Variants in OR6N1 observed in about 807,000 individuals in gnomAD.
OR6N1 encodes olfactory receptor family 6 subfamily N member 1.
For missense variants in OR6N1, 394 were observed against 371.7 expected, an observed-to-expected ratio of 1.06 and a Z score of -0.49; for synonymous variants, 170 against 150.7, an observed-to-expected ratio of 1.13 and a Z score of -0.94.
At chr1:158,836,295 T>C in the OR6N1 span, among the ~76,000 whole-genome samples, 3 of 152,030 alleles carry the variant, frequency 2.0e-5, no homozygotes, top group Non-Finnish European at 4.4e-5. Context: ...CTTTGAGGAA[T>C]TTTGGTCTTA....
chr1:158,825,064 T>C, the OR6N1 span, among the ~76,000 whole-genome samples: 140 of 152,268 alleles, frequency 9.2e-4, 1 homozygote, highest in African/African-American at 3.0e-3. Context: ...TTCAAAACTA[T>C]GCATCTAACA....
At chr1:158,799,925 G>T in the OR6N1 span, among the ~76,000 whole-genome samples, 1 of 151,972 alleles carries the variant, frequency 6.6e-6, no homozygotes, top group African/African-American at 2.4e-5. Context: ...CTGCTTTCCC[G>T]CCTACATGTG....
chr1:158,815,098 G>A, the OR6N1 span, among the ~76,000 whole-genome samples: 6 of 152,154 alleles, frequency 3.9e-5, no homozygotes, highest in African/African-American at 1.4e-4. Context: ...TGATTGTGGA[G>A]TGAAAGAGAG....
At chr1:158,802,889 A>T in the OR6N1 span, among the ~76,000 whole-genome samples, 3 of 152,060 alleles carry the variant, frequency 2.0e-5, no homozygotes, top group African/African-American at 7.2e-5. Flanking sequence ...CAATATGTTC[A>T]TCAACATCCT....
At chr1:158,791,402 A>T in the OR6N1 span, among the ~76,000 whole-genome samples, 1 of 151,616 alleles carries the variant, frequency 6.6e-6, no homozygotes, top group Admixed American at 6.6e-5. Flanking sequence ...TAGTTTTGAG[A>T]GTTCCTTTGG....
rs1436720393 is a variant in OR6N1, at chr1:158,765,419, A to G, written c.*325T>C. ...TTTATATTAAGTCAAGTAAATTTGA[A>G]AAATGCCTATAAACGTATAATAGGT... On this transcript the variant is annotated 3_prime_UTR_variant, in exon 2 of 2. Transcript: ENST00000641846. The G allele has an allele frequency of 5.0e-6, 1 of 200,146 alleles. No homozygotes were observed. The highest frequency in any genetic ancestry group is 1.1e-4 in the East Asian group (1 of 8,824). 12.4% of individuals were successfully genotyped at this position (200,146 alleles called of 1,614,324 possible).
At chr1:158,809,674 C>A in the OR6N1 span, among the ~76,000 whole-genome samples, 2 of 152,120 alleles carry the variant, frequency 1.3e-5, no homozygotes, top group African/African-American at 2.4e-5. Flanking sequence ...TCTGTACTTT[C>A]CAATGAGAAA....
chr1:158,813,697 C>CT, the OR6N1 span, among the ~76,000 whole-genome samples: 25,749 of 78,818 alleles, frequency 0.33, 5,797 homozygotes, highest in African/African-American at 0.36. Context: ...TATGTATGGT[C>CT]TTTTTTTTTT....
chr1:158,821,379 C>T, the OR6N1 span, among the ~76,000 whole-genome samples: 1 of 152,208 alleles, frequency 6.6e-6, no homozygotes, highest in African/African-American at 2.4e-5. Context: ...ACATTCAATA[C>T]ATTTACACAA....
At chr1:158,795,432 G>C in the OR6N1 span, among the ~76,000 whole-genome samples, 2 of 152,240 alleles carry the variant, frequency 1.3e-5, no homozygotes, top group South Asian at 4.2e-4. Flanking sequence ...TCACTTGCTT[G>C]CTGGTTCTGG....
chr1:158,802,535 C>A, the OR6N1 span, among the ~76,000 whole-genome samples: 1 of 152,122 alleles, frequency 6.6e-6, no homozygotes, highest in Non-Finnish European at 1.5e-5. Context: ...TTTAGCACCC[C>A]AGAGGTGAGT....
the OR6N1 span, chr1:158,808,985 A>G: frequency 1.3e-5 from 2 of 152,968 alleles, no homozygotes; most frequent in Non-Finnish European, 2.9e-5. Flanking sequence ...ATCCAGTGCC[A>G]TGACACCCAG....
At chr1:158,777,064 T>C, upstream of OR6N1, 1 of 1,614,114 alleles carries the variant, frequency 6.2e-7, no homozygotes. Flanking sequence ...AGCAGATGTG[T>C]CCTTGCAGGC....
the OR6N1 span, among the ~76,000 whole-genome samples, chr1:158,829,461 A>C: frequency 6.6e-6 from 1 of 152,184 alleles, no homozygotes; most frequent in Admixed American, 6.5e-5. Flanking sequence ...TTGCCAAAAC[A>C]TAACAAGAGT....
chr1:158,791,469 A>ATTTTTTT, the OR6N1 span, among the ~76,000 whole-genome samples: 3 of 127,374 alleles, frequency 2.4e-5, 1 homozygote, highest in Non-Finnish European at 5.0e-5. Context: ...TATGATTTTG[A>ATTTTTTT]TTTTTTTTTT....
At chr1:158,807,452 C>G in the OR6N1 span, among the ~76,000 whole-genome samples, 1 of 152,146 alleles carries the variant, frequency 6.6e-6, no homozygotes. Flanking sequence ...GTACTTGGCC[C>G]CCAGTTCAGA....
the OR6N1 span, among the ~76,000 whole-genome samples, chr1:158,835,936 T>C: frequency 6.6e-6 from 1 of 152,040 alleles, no homozygotes; most frequent in African/African-American, 2.4e-5. Flanking sequence ...ATTATCTTAA[T>C]TGATTTTTAC....
chr1:158,793,516 A>G, the OR6N1 span, among the ~76,000 whole-genome samples: 1 of 152,054 alleles, frequency 6.6e-6, no homozygotes, highest in Non-Finnish European at 1.5e-5. Context: ...GGCTTTGGCT[A>G]TGTGTATTTT....
the OR6N1 span, among the ~76,000 whole-genome samples, chr1:158,793,738 T>C: frequency 6.6e-6 from 1 of 152,312 alleles, no homozygotes; most frequent in South Asian, 2.1e-4. Context: ...TTCACTGGGT[T>C]GAACAGTTTA....
Sources: allele counts gnomAD v4.1 joint callset (sites outside exome capture counted in the v4.1 genomes callset), GRCh38; gene constraint gnomAD v4.1.1; transcripts MANE v1.5; gene names NCBI Gene and HGNC (gene_info 2026-07-23, HGNC 2026-07-21).